The following MON2 variants were observed in gnomAD, a reference collection of about 807,000 sequenced individuals.
The protein encoded by MON2 is protein MON2 homolog.
A neutral mutation model predicts 208.6 loss-of-function variants in MON2; 84 were observed. That is an observed-to-expected ratio of 0.40 (90% CI 0.34 to 0.48). The LOEUF is 0.48. MON2 is among the 20% of genes least tolerant of loss of function. MON2 has a pLI of 0.59. For missense variants in MON2, 1,611 were observed against 2,015.4 expected, an observed-to-expected ratio of 0.80 and a Z score of 3.84; for synonymous variants, 660 against 694.0, an observed-to-expected ratio of 0.95 and a Z score of 0.77.
At chr12:62,584,309 T>C (rs2075117391) in intron 32 of MON2, among the ~76,000 whole-genome samples, 1 of 152,172 alleles carries the variant, frequency 6.6e-6, no homozygotes. Context: ...TATGACATTT[T>C]CGGAGGTACA....
intron 8 of MON2, among the ~76,000 whole-genome samples, chr12:62,517,069 G>A (rs11174524): frequency 0.044 from 6,681 of 152,176 alleles, 211 homozygotes; most frequent in Non-Finnish European, 0.059. Context: ...TGGTCCAAAT[G>A]TTTAGAAAGT....
At chr12:62,536,448 G>A (rs906055586) in intron 14 of MON2, among the ~76,000 whole-genome samples, 7 of 152,054 alleles carry the variant, frequency 4.6e-5, no homozygotes, top group African/African-American at 1.7e-4. Context: ...AAGCAGTCCG[G>A]CCTCAGCCTC....
intron 22 of MON2, among the ~76,000 whole-genome samples, chr12:62,549,004 A>G (rs1430441117): frequency 6.6e-6 from 1 of 152,190 alleles, no homozygotes; most frequent in African/African-American, 2.4e-5. Flanking sequence ...ACTAGATATC[A>G]GGGATACAGT....
intron 30 of MON2, among the ~76,000 whole-genome samples, chr12:62,572,433 C>T (rs1439142300): frequency 1.3e-5 from 2 of 152,256 alleles, no homozygotes; most frequent in South Asian, 2.1e-4. Flanking sequence ...AAGTAATTAT[C>T]GTTTGTGTTA....
In MON2 at chr12:62,535,521, T is replaced by C. The variant is rs750904006; in HGVS notation, c.1716-4T>C. 5.7e-5 allele frequency: 91 copies of C among 1,587,168 alleles called. No individual in the cohort carries two copies. Among genetic ancestry groups the C allele is most frequent in the Non-Finnish European group, 7.7e-5 (90 of 1,169,880 alleles). Reference sequence around the variant, plus strand: ...TCAGATTAAATAAAATACTTTCTTTTCAGCACAGATGAAGCTGCCACTGAG... The same window carrying C: ...TCAGATTAAATAAAATACTTTCTTTCCAGCACAGATGAAGCTGCCACTGAG... On this transcript the variant is annotated splice_polypyrimidine_tract_variant and splice_region_variant and intron_variant, in intron 13 of 34. Coordinates refer to ENST00000393630, the MANE Select transcript of MON2 (RefSeq NM_015026.3).
At chr12:62,521,915 G>T (rs2072062433) in intron 8 of MON2, among the ~76,000 whole-genome samples, 1 of 152,186 alleles carries the variant, frequency 6.6e-6, no homozygotes, top group Admixed American at 6.5e-5. Flanking sequence ...GCTAGTGGCT[G>T]GGTGTGGTGG....
At chr12:62,533,567 C>T (rs146260896) in intron 12 of MON2, among the ~76,000 whole-genome samples, 1 of 152,286 alleles carries the variant, frequency 6.6e-6, no homozygotes, top group African/African-American at 2.4e-5. Flanking sequence ...TTGGACATGT[C>T]CCATGCCCTT....
intron 2 of MON2, among the ~76,000 whole-genome samples, chr12:62,491,463 ATCT>A (rs942636102): frequency 2.6e-5 from 4 of 152,160 alleles, no homozygotes; most frequent in African/African-American, 9.7e-5. Context: ...ATGAAAGTAT[ATCT>A]TCTTTTTTGT....
intron 1 of MON2, among the ~76,000 whole-genome samples, chr12:62,467,572 G>A (rs551094259): frequency 1.3e-5 from 2 of 152,322 alleles, no homozygotes; most frequent in South Asian, 4.1e-4. Context: ...AGTTAATCCA[G>A]CTAGGTGTAC....
intron 2 of MON2, among the ~76,000 whole-genome samples, chr12:62,488,903 G>GATAGGTTGATGGGTGCAGCAA (rs2069948580): frequency 6.6e-6 from 1 of 152,090 alleles, no homozygotes; most frequent in Non-Finnish European, 1.5e-5. Context: ...TAATGTAGAT[G>GATAGGTTGATGGGTGCAGCAA]ATAGGTTGAT....
At chr12:62,521,342 G>A (rs771402908) in intron 8 of MON2, among the ~76,000 whole-genome samples, 5 of 152,054 alleles carry the variant, frequency 3.3e-5, no homozygotes, top group African/African-American at 7.2e-5. Context: ...AACCATTTTT[G>A]TTTTTTAAAA....
Position 62,578,496 on chromosome 12 carries a change from T to A in MON2, c.4566T>A (p.Ile1522=). The A allele has an allele frequency of 6.7e-7, 1 of 1,500,286 alleles. No individual in the cohort carries two copies. Among genetic ancestry groups the A allele is most frequent in the South Asian group, 1.2e-5 (1 of 80,660 alleles). 92.9% of individuals were successfully genotyped at this position (1,500,286 alleles called of 1,614,324 possible). Residue 1522 remains isoleucine, a synonymous_variant, in exon 31 of 35, where the codon ATT becomes ATA. Coordinates refer to ENST00000393630, the MANE Select transcript of MON2 (RefSeq NM_015026.3). ...SIQEFQRNEN[I]DVEVVQLISN... is the part of the protein sequence containing the mutation. Reference sequence around the variant, plus strand: ...AAGAGTTTCAAAGAAATGAAAATATTGATGTCGAGGTAAGGAGGCTATTTA... The same window carrying A: ...AAGAGTTTCAAAGAAATGAAAATATAGATGTCGAGGTAAGGAGGCTATTTA...
intron 24 of MON2, among the ~76,000 whole-genome samples, chr12:62,554,681 A>G (rs1445132249): frequency 1.3e-5 from 2 of 152,014 alleles, no homozygotes; most frequent in African/African-American, 4.8e-5. Flanking sequence ...TTTTTTTTGT[A>G]GAGATAGTCT....
At chr12:62,532,386 AT>A (rs950686720) in intron 11 of MON2, 51 bp from the exon 12 acceptor site, 300 of 1,280,888 alleles carry the variant, frequency 2.3e-4, no homozygotes, top group Non-Finnish European at 2.9e-4. Context: ...AGTTTTATGT[AT>A]TTTTTTTGTT....
chr12:62,531,862 T>C (rs2072663671), intron 11 of MON2, among the ~76,000 whole-genome samples: 1 of 152,026 alleles, frequency 6.6e-6, no homozygotes. Flanking sequence ...CTCTGCCTCC[T>C]TGGTTCATGC....
rs1470917384 is a variant in MON2 at position 62,525,200 on chromosome 12, C to T, written c.1226C>T (p.Pro409Leu). The T allele has an allele frequency of 1.9e-6, 3 of 1,613,190 alleles. No homozygotes were observed. The highest frequency in any genetic ancestry group is 2.7e-5 in the African/African-American group (2 of 74,868). ...TTTCTTGTCCCCCCTACTGGAAATC[C>T]TGCAACAAGCAACCAAGCTGGTAAA... ...SLFLVPPTGN[P>L]ATSNQAGNNN... Residue 409 changes from proline (P) to leucine (L), a missense_variant, in exon 10 of 35, where the codon CCT becomes CTT. Pro to Leu is a moderately conservative substitution (Grantham distance 98, BLOSUM62 -3). Coordinates refer to ENST00000393630, the MANE Select transcript of MON2 (RefSeq NM_015026.3).
intron 34 of MON2, among the ~76,000 whole-genome samples, chr12:62,590,107 T>C (rs947766508): frequency 6.6e-6 from 1 of 152,184 alleles, no homozygotes; most frequent in African/African-American, 2.4e-5. Flanking sequence ...TTTGTCTTTT[T>C]TGAGACAGGC....
chr12:62,493,755 A>G (rs908979363), intron 2 of MON2, among the ~76,000 whole-genome samples, 160 bp from the exon 3 acceptor site: 6 of 152,188 alleles, frequency 3.9e-5, no homozygotes, highest in Non-Finnish European at 5.9e-5. Flanking sequence ...GTGTCTGTCC[A>G]AGGTATTTTA....
chr12:62,560,285 C>T, intron 25 of MON2: 1 of 484,774 alleles, frequency 2.1e-6, no homozygotes, highest in South Asian at 3.1e-5. Flanking sequence ...CCCTTTGTTC[C>T]TATATCTGAA....
Sources: gnomAD v4.1 joint callset for allele counts (sites outside exome capture counted in the v4.1 genomes callset) on GRCh38, gnomAD v4.1.1 for gene constraint, MANE v1.5 for transcripts, NCBI Gene and HGNC (gene_info 2026-07-23, HGNC 2026-07-21) for gene names.